NEBL: variants seen among roughly 807,000 people sequenced by gnomAD.
NEBL encodes nebulette, also known as LIM and SH3 protein 2.
NEBL carries 122 observed loss-of-function variants against 140.2 expected under a neutral mutation model. That is an observed-to-expected ratio of 0.87 (90% CI 0.75 to 1.01). The LOEUF is 1.01. Among genes scored for constraint, NEBL ranks in the 50% least tolerant of loss-of-function variants. The pLI is 0.00. For missense variants in NEBL, 1,365 were observed against 1,231.3 expected (o/e 1.11, Z -1.62); for synonymous variants, 436 against 398.9 (o/e 1.09, Z -1.11).
chr10:20,935,189 C>A (rs924187045), intron 4 of NEBL, among the ~76,000 whole-genome samples: 3 of 152,092 alleles, frequency 2.0e-5, no homozygotes, highest in African/African-American at 7.2e-5. Context: ...AAAAGTCACC[C>A]CGAGGAAGCA....
chr10:20,981,496 T>C (rs1837039714), intron 3 of NEBL, among the ~76,000 whole-genome samples: 1 of 152,210 alleles, frequency 6.6e-6, no homozygotes, highest in Admixed American at 6.5e-5. Context: ...TTGTCATTCC[T>C]TGAGCAGTCA....
At chr10:21,220,702 T>C (rs1051696942) in intron 3 of NEBL, among the ~76,000 whole-genome samples, 3 of 151,802 alleles carry the variant, frequency 2.0e-5, no homozygotes, top group African/African-American at 7.3e-5. Flanking sequence ...ATCAACAGAG[T>C]GAAGAGATAA....
chr10:21,110,690 C>G, intron 2 of NEBL: 1 of 484,314 alleles, frequency 2.1e-6, no homozygotes, highest in South Asian at 1.5e-5. Flanking sequence ...CCATGGAAGG[C>G]TCAGTGGACA....
intron 1 of NEBL, 36 bp from the exon 2 acceptor site, chr10:20,897,065 T>G (rs757995103): frequency 5.6e-6 from 9 of 1,603,716 alleles, no homozygotes; most frequent in Non-Finnish European, 7.7e-6. Flanking sequence ...GAAAGAACAT[T>G]TTTCTCATTG....
intron 2 of NEBL, among the ~76,000 whole-genome samples, chr10:21,097,751 C>T (rs1021316007): frequency 6.6e-6 from 1 of 152,188 alleles, no homozygotes; most frequent in Admixed American, 6.5e-5. Context: ...CCCAAAGCAA[C>T]GACTTCAATC....
At chr10:21,161,227 T>C (rs1294878047) in intron 2 of NEBL, among the ~76,000 whole-genome samples, 1 of 152,170 alleles carries the variant, frequency 6.6e-6, no homozygotes, top group Non-Finnish European at 1.5e-5. Context: ...AGACAGGGTC[T>C]TGCTATGTTG....
chr10:21,146,553 T>C (rs761398927), intron 2 of NEBL: 1 of 1,472,890 alleles, frequency 6.8e-7, no homozygotes, highest in Non-Finnish European at 9.3e-7. Flanking sequence ...GTGCTGTGTT[T>C]GGGCATTGTT....
intron 2 of NEBL, among the ~76,000 whole-genome samples, chr10:21,067,605 G>A (rs898377847): frequency 3.3e-5 from 5 of 152,096 alleles, no homozygotes; most frequent in African/African-American, 4.8e-5. Context: ...ACTCCAAAAG[G>A]CAGAAAACAG....
chr10:21,051,758 C>T (rs936244411), intron 2 of NEBL, among the ~76,000 whole-genome samples: 1 of 152,194 alleles, frequency 6.6e-6, no homozygotes, highest in Non-Finnish European at 1.5e-5. Flanking sequence ...ATGTTATCTA[C>T]AGGAGACTCT....
Position 21,257,204 on chromosome 10 carries a change from A to G in NEBL, n.183-5376T>C, listed in dbSNP as rs115483115. ...CTACCAAGCAAAGGATAAAGTTTCAATGTGGCTACTGTTTACCATCAAGCA... is the reference window on the plus strand; with the variant it reads ...CTACCAAGCAAAGGATAAAGTTTCAGTGTGGCTACTGTTTACCATCAAGCA... On this transcript the variant is annotated intron_variant and non_coding_transcript_variant, in intron 1 of 8. Transcript: ENST00000675702. 6.9e-3 allele frequency among the ~76,000 whole-genome samples: 1,046 copies of G among 152,338 alleles called. 8 individuals carry two copies. Among genetic ancestry groups the G allele is most frequent in the African/African-American group, 0.023 (938 of 41,568 alleles).
chr10:21,134,148 C>T (rs1839239613), intron 2 of NEBL, among the ~76,000 whole-genome samples: 2 of 152,004 alleles, frequency 1.3e-5, no homozygotes. Context: ...ATCACTTGAA[C>T]CCAAGAGGCA....
At chr10:21,243,152 G>A (rs1588555766) in intron 3 of NEBL, among the ~76,000 whole-genome samples, 1 of 152,104 alleles carries the variant, frequency 6.6e-6, no homozygotes, top group Non-Finnish European at 1.5e-5. Context: ...CCTGTTCCGG[G>A]AGTGGGAAGT....
chr10:20,835,224 T>C (rs1222329460), intron 14 of NEBL, among the ~76,000 whole-genome samples: 1 of 152,220 alleles, frequency 6.6e-6, no homozygotes, highest in African/African-American at 2.4e-5. Context: ...TAGATTACCA[T>C]TAAATCTGTT....
At chr10:20,930,091 G>C (rs1056783113) in intron 4 of NEBL, among the ~76,000 whole-genome samples, 5 of 151,910 alleles carry the variant, frequency 3.3e-5, no homozygotes, top group Non-Finnish European at 5.9e-5. Context: ...TCTCCCCTGA[G>C]TTTCACACTA....
chr10:21,228,400 C>T (rs935191157), intron 3 of NEBL, among the ~76,000 whole-genome samples: 5 of 152,128 alleles, frequency 3.3e-5, no homozygotes, highest in African/African-American at 9.7e-5. Flanking sequence ...ACAATCCTCT[C>T]GCCTCAGCCT....
chr10:21,268,524 A>ATT (rs202006533), intron 1 of NEBL, among the ~76,000 whole-genome samples: 2 of 145,650 alleles, frequency 1.4e-5, no homozygotes, highest in Non-Finnish European at 1.5e-5. Flanking sequence ...TTTTAATTTA[A>ATT]TTTTTTTTTT....
intron 2 of NEBL, among the ~76,000 whole-genome samples, chr10:21,164,629 C>T (rs578052537): frequency 2.0e-5 from 3 of 152,266 alleles, no homozygotes; most frequent in African/African-American, 4.8e-5. Context: ...AGGCACCTTT[C>T]AGAAACATTG....
intron 4 of NEBL, among the ~76,000 whole-genome samples, chr10:20,915,590 A>C (rs1184058550): frequency 1.3e-5 from 2 of 151,510 alleles, no homozygotes; most frequent in African/African-American, 4.9e-5. Context: ...TGAACTCATC[A>C]TTTTTTATGG....
chr10:20,964,337 T>A (rs1589083346), intron 3 of NEBL, among the ~76,000 whole-genome samples: 2 of 152,284 alleles, frequency 1.3e-5, no homozygotes, highest in South Asian at 4.1e-4. Flanking sequence ...TACCTGACAC[T>A]GGGTAATTTA....
Sources: allele counts gnomAD v4.1 joint callset (sites outside exome capture counted in the v4.1 genomes callset), GRCh38; gene constraint gnomAD v4.1.1; transcripts MANE v1.5; gene names NCBI Gene and HGNC (gene_info 2026-07-23, HGNC 2026-07-21).